Variants in ADAMTS19 observed in about 807,000 individuals in gnomAD.
The protein encoded by ADAMTS19 is ADAM metallopeptidase with thrombospondin type 1 motif 19, also known as A disintegrin and metalloproteinase with thrombospondin motifs 19.
Under a neutral mutation model 153.3 loss-of-function variants are expected in ADAMTS19, and 93 were observed. The ratio of observed to expected loss-of-function variants is 0.61; its 90% CI spans 0.51 to 0.72. The LOEUF (loss-of-function observed/expected upper bound fraction) is 0.72, where lower values mean the gene tolerates loss of function less well. ADAMTS19 is among the 30% of genes least tolerant of loss of function. The probability of loss-of-function intolerance (pLI) is 0.00; values close to 1 mark genes in which losing one functional copy is unlikely to be tolerated. For synonymous variants in ADAMTS19, 600 were observed against 556.6 expected (o/e 1.08, Z -1.10); for missense variants, 1,482 against 1,552.1 (o/e 0.95, Z 0.76).
intron 8 of ADAMTS19, among the ~76,000 whole-genome samples, chr5:129,609,947 T>G (rs1751114614): frequency 3.3e-5 from 5 of 152,170 alleles, no homozygotes; most frequent in Admixed American, 3.3e-4. Context: ...CATCTCTAAT[T>G]GTAGCATATT....
intron 8 of ADAMTS19, among the ~76,000 whole-genome samples, chr5:129,615,315 A>T: frequency 6.6e-6 from 1 of 152,000 alleles, no homozygotes; most frequent in Middle Eastern, 3.2e-3. Context: ...TGAAAATCAG[A>T]TTGATATCAG....
chr5:129,656,129 A>G (rs968535345), intron 14 of ADAMTS19, among the ~76,000 whole-genome samples: 1 of 152,202 alleles, frequency 6.6e-6, no homozygotes, highest in Non-Finnish European at 1.5e-5. Context: ...GTATAAGCCA[A>G]ATTTTTACAG....
rs1752771008 is a variant in ADAMTS19, at chr5:129,544,320, T to G, written c.1329-7544T>G. Reference sequence around the variant, plus strand: ...CAACTGAACATCTTATTGAGACAGCTCTGCAGTCTTTTAAAGCATTTGGTG... The same window carrying G: ...CAACTGAACATCTTATTGAGACAGCGCTGCAGTCTTTTAAAGCATTTGGTG... On this transcript the variant is annotated intron_variant, in intron 6 of 22. Transcript: ENST00000274487. Among the ~76,000 whole-genome samples, 2 of 152,208 alleles carry G rather than the reference T, an allele frequency of 1.3e-5. 1 individual carries two copies. Among genetic ancestry groups the G allele is most frequent in the African/African-American group, 4.8e-5 (2 of 41,462 alleles).
intron 2 of ADAMTS19, chr5:129,500,251 C>T (rs1427473356): frequency 6.6e-6 from 1 of 152,172 alleles, no homozygotes; most frequent in African/African-American, 2.4e-5. Flanking sequence ...CTATGACTTT[C>T]AGTCCTCCTA....
intron 2 of ADAMTS19, among the ~76,000 whole-genome samples, chr5:129,504,103 A>AG (rs1373345533): frequency 6.6e-6 from 1 of 152,056 alleles, no homozygotes; most frequent in African/African-American, 2.4e-5. Context: ...CAATTATATG[A>AG]GTTTATTTTA....
chr5:129,685,105 A>G (rs1370645993), intron 18 of ADAMTS19, among the ~76,000 whole-genome samples: 2 of 152,176 alleles, frequency 1.3e-5, no homozygotes, highest in Non-Finnish European at 2.9e-5. Context: ...AGTTAGGTAT[A>G]TAAGTCTGGC....
intron 21 of ADAMTS19, among the ~76,000 whole-genome samples, chr5:129,706,808 T>A (rs190611184): frequency 6.6e-6 from 1 of 152,306 alleles, no homozygotes; most frequent in Admixed American, 6.5e-5. Context: ...CTGGGTTAAA[T>A]CTTAGTTAAA....
At chr5:129,726,060 CA>C (rs1467746341) in intron 21 of ADAMTS19, among the ~76,000 whole-genome samples, 1 of 152,082 alleles carries the variant, frequency 6.6e-6, no homozygotes, top group Non-Finnish European at 1.5e-5. Context: ...TTGTCTACGT[CA>C]AAAACTTGCT....
rs180929370 is a variant in ADAMTS19, at chr5:129,536,704, C to T, written c.1328+8027C>T. On this transcript the variant is annotated intron_variant, in intron 6 of 22. Transcript: ENST00000274487. ...GAGACTGGATTAAGAAAATGTGGCA[C>T]ATATACACATGGAATACTATGCAGC... 4.8e-3 allele frequency among the ~76,000 whole-genome samples: 732 copies of T among 152,234 alleles called. 4 individuals are homozygous for T. Among genetic ancestry groups the T allele is most frequent in the Non-Finnish European group, 6.7e-3 (459 of 68,030 alleles).
intron 2 of ADAMTS19, among the ~76,000 whole-genome samples, chr5:129,475,769 G>A (rs1187775930): frequency 6.6e-6 from 1 of 152,204 alleles, no homozygotes; most frequent in Admixed American, 6.5e-5. Context: ...GGAGGGAGAG[G>A]TTGCAGTAAG....
At chr5:129,525,242 A>G (rs1291632195) in intron 3 of ADAMTS19, among the ~76,000 whole-genome samples, 1 of 152,094 alleles carries the variant, frequency 6.6e-6, no homozygotes, top group African/African-American at 2.4e-5. Context: ...CAAAGTGTTT[A>G]TCCCAGTTTA....
At chr5:129,727,394 T>C (rs918627219) in intron 21 of ADAMTS19, among the ~76,000 whole-genome samples, 2 of 152,186 alleles carry the variant, frequency 1.3e-5, no homozygotes, top group African/African-American at 4.8e-5. Flanking sequence ...TCATACCATA[T>C]AACCTGAGTT....
chr5:129,669,126 A>C (rs10075122), intron 16 of ADAMTS19, among the ~76,000 whole-genome samples: 4,064 of 152,148 alleles, frequency 0.027, 174 homozygotes, highest in African/African-American at 0.091. Context: ...CAACAAGGGT[A>C]CCAAGACCAT....
At chr5:129,589,955 C>T (rs1346304898) in intron 7 of ADAMTS19, among the ~76,000 whole-genome samples, 2 of 152,082 alleles carry the variant, frequency 1.3e-5, no homozygotes. Context: ...AAGCTTCATA[C>T]TGATGTTCAT....
chr5:129,544,583 G>T (rs769836717), intron 6 of ADAMTS19, among the ~76,000 whole-genome samples: 2 of 152,056 alleles, frequency 1.3e-5, no homozygotes, highest in Admixed American at 6.6e-5. Context: ...TACAATAAGC[G>T]CACTTTCACT....
chr5:129,554,541 T>G lies in ADAMTS19; in HGVS notation c.1372+2634T>G, dbSNP rs576347109. Among the ~76,000 whole-genome samples the G allele has an allele frequency of 4.6e-5, 7 of 152,200 alleles. No individual in the cohort carries two copies. The South Asian group carries it at 1.5e-3, about 32-fold the overall frequency. Reference sequence around the variant, plus strand: ...TAAAGAAGGAAGAATGCAACCCTGATCACTATAATCAGGAAGGAAACCATC... The same window carrying G: ...TAAAGAAGGAAGAATGCAACCCTGAGCACTATAATCAGGAAGGAAACCATC... On this transcript the variant is annotated intron_variant, in intron 7 of 22. Coordinates refer to ENST00000274487, the MANE Select transcript of ADAMTS19 (RefSeq NM_133638.6).
At chr5:129,654,812 T>C (rs1449315721) in intron 14 of ADAMTS19, among the ~76,000 whole-genome samples, 1 of 152,146 alleles carries the variant, frequency 6.6e-6, no homozygotes, top group Non-Finnish European at 1.5e-5. Flanking sequence ...GAGTCAAAAA[T>C]CAATAAAATT....
intron 5 of ADAMTS19, 111 bp from the exon 6 acceptor site, chr5:129,528,409 T>C (rs962250264): frequency 2.7e-4 from 211 of 793,968 alleles, no homozygotes; most frequent in Non-Finnish European, 9.5e-5. Flanking sequence ...AATGTTATGG[T>C]CAGCAGTTTG....
chr5:129,558,701 A>C (rs1753398608), intron 7 of ADAMTS19, among the ~76,000 whole-genome samples: 1 of 152,256 alleles, frequency 6.6e-6, no homozygotes, highest in Non-Finnish European at 1.5e-5. Flanking sequence ...ACTGTTGAAG[A>C]AAGAATATGG....
Sources: gnomAD v4.1 joint callset for allele counts (sites outside exome capture counted in the v4.1 genomes callset) on GRCh38, gnomAD v4.1.1 for gene constraint, MANE v1.5 for transcripts, NCBI Gene and HGNC (gene_info 2026-07-23, HGNC 2026-07-21) for gene names.